Variants in NANP observed in about 807,000 individuals in gnomAD.
NANP encodes the protein N-acylneuraminate-9-phosphatase.
A neutral mutation model predicts 16.9 loss-of-function variants in NANP; 15 were observed. The observed-to-expected ratio is 0.89, with a 90% CI of 0.59 to 1.37. The LOEUF (loss-of-function observed/expected upper bound fraction) is 1.37. Ranked by LOEUF, NANP falls within the 40% of genes most tolerant of loss-of-function variation. The probability of loss-of-function intolerance (pLI) is 0.00; values close to 1 mark genes in which losing one functional copy is unlikely to be tolerated. For synonymous variants in NANP, 135 were observed against 112.6 expected (o/e 1.20, Z -1.26); for missense variants, 290 against 303.5 (o/e 0.96, Z 0.33).
chr20:25,623,747 A>G, intron 1 of NANP, 112 bp downstream of exon 1: 1 of 1,071,104 alleles, frequency 9.3e-7, no homozygotes. Context: ...TTCAACCAGC[A>G]AGAGCGGCCC....
intron 1 of NANP, among the ~76,000 whole-genome samples, chr20:25,617,736 C>T (rs1179682533): frequency 6.6e-6 from 1 of 152,068 alleles, no homozygotes; most frequent in Non-Finnish European, 1.5e-5. Flanking sequence ...AGGCTAGCCT[C>T]GAACTCTTGA....
chr20:25,623,251 G>A (rs2065374141), intron 1 of NANP, among the ~76,000 whole-genome samples: 1 of 152,200 alleles, frequency 6.6e-6, no homozygotes, highest in Non-Finnish European at 1.5e-5. Flanking sequence ...GGAAGGGCAT[G>A]CCCTCGCAGC....
At chr20:25,621,386 G>A (rs1041125545) in intron 1 of NANP, among the ~76,000 whole-genome samples, 1 of 152,256 alleles carries the variant, frequency 6.6e-6, no homozygotes, top group African/African-American at 2.4e-5. Context: ...CTGTAGAAAA[G>A]TTCCTCTTGA....
intron 1 of NANP, among the ~76,000 whole-genome samples, chr20:25,617,613 T>C (rs2065348604): frequency 6.6e-6 from 1 of 151,968 alleles, no homozygotes; most frequent in African/African-American, 2.4e-5. Context: ...GCCTCCTGGG[T>C]TCAAGTGATT....
intron 1 of NANP, among the ~76,000 whole-genome samples, chr20:25,619,000 T>C (rs1220809445): frequency 6.6e-6 from 1 of 152,034 alleles, no homozygotes; most frequent in East Asian, 1.9e-4. Context: ...ATATCTGTTG[T>C]AATGGGACTA....
intron 1 of NANP, among the ~76,000 whole-genome samples, chr20:25,622,267 G>T (rs2122211029): frequency 6.6e-6 from 1 of 152,370 alleles, no homozygotes; most frequent in African/African-American, 2.4e-5. Flanking sequence ...ACTGAGACAT[G>T]CACGGGGCAT....
chr20:25,621,055 T>C (rs955183362), intron 1 of NANP, among the ~76,000 whole-genome samples: 2 of 152,056 alleles, frequency 1.3e-5, no homozygotes, highest in Admixed American at 6.6e-5. Context: ...CTGAAATCAA[T>C]AGGGATCCAG....
rs1890270267 is a variant in NANP, at chr20:25,613,599, A to G, written c.*2326T>C. On this transcript the variant is annotated 3_prime_UTR_variant, in exon 2 of 2. Coordinates refer to ENST00000304788, the MANE Select transcript of NANP (RefSeq NM_152667.3). Reference sequence around the variant, plus strand: ...ATTAATAAAATCATAGGTTTATTCCAATATTTTAAAATATTTTCTGTAACA... The same window carrying G: ...ATTAATAAAATCATAGGTTTATTCCGATATTTTAAAATATTTTCTGTAACA... 1 of 391,642 alleles carries G rather than the reference A, an allele frequency of 2.6e-6. No individual in the cohort carries two copies. The highest frequency in any genetic ancestry group is 2.1e-5 in the African/African-American group (1 of 48,474). The allele number at this position is 391,642 out of a possible 1,614,324, so 24.3% of individuals were successfully genotyped here. A position where few individuals can be genotyped will look rare whatever the true frequency, so the allele number is the denominator to read the frequency against.
At position 25,614,267 on chromosome 20, in the gene NANP, G is replaced by A. The variant is rs549216088; in HGVS notation, c.*1658C>T. The stretch of plus-strand genomic sequence containing the variant: ...TGATTCTCTGAGTATTAGTCTTGAA[G>A]ACATAGCTATACACATCCCAACATA... On this transcript the variant is annotated 3_prime_UTR_variant, in exon 2 of 2. Transcript: ENST00000304788. 7 of 158,334 alleles carry A rather than the reference G, an allele frequency of 4.4e-5. No individual in the cohort carries two copies. The highest frequency in any genetic ancestry group is 8.3e-5 in the Non-Finnish European group (6 of 72,426). 9.8% of individuals were successfully genotyped at this position (158,334 alleles called of 1,614,324 possible). A position where few individuals can be genotyped will look rare whatever the true frequency, so the allele number is the denominator to read the frequency against.
chr20:25,615,157 ACATTTCCTT>A lies in NANP; in HGVS notation c.*759_*767del, dbSNP rs2065337782. On this transcript the variant is annotated 3_prime_UTR_variant, in exon 2 of 2. Coordinates refer to ENST00000304788, the MANE Select transcript of NANP (RefSeq NM_152667.3). Reference sequence around the variant, plus strand: ...GTGTGTCTGGGAAAAGACAGTAAAAACATTTCCTTGAGAGGTGAAGACTAAAAGGAAGCT... The same window carrying A: ...GTGTGTCTGGGAAAAGACAGTAAAAAGAGAGGTGAAGACTAAAAGGAAGCT... The A allele has an allele frequency of 1.3e-5, 2 of 152,580 alleles. No homozygotes were observed. 9.5% of individuals were successfully genotyped at this position (152,580 alleles called of 1,614,324 possible). A position where few individuals can be genotyped will look rare whatever the true frequency, so the allele number is the denominator to read the frequency against.
rs769927279 is a variant in NANP, at chr20:25,623,926, G to A, written c.23C>T (p.Ala8Val). 6 of 1,613,318 alleles carry A rather than the reference G, an allele frequency of 3.7e-6. No homozygotes were observed. The highest frequency in any genetic ancestry group is 3.3e-5 in the Admixed American group (2 of 60,010). The part of the protein sequence containing the change: MGLSRVR[A>V]VFFDLDNTLI... ...AGTGTTGTCCAAGTCAAAGAAAACC[G>A]CCCGCACGCGGCTCAGCCCCATAGC... The change falls in exon 1 of 2, where the codon GCG (alanine) becomes GTG (valine). Residue 8 changes from alanine to valine, a missense_variant. Physicochemically the swap from Ala to Val is moderately conservative, Grantham distance 64. Transcript: ENST00000304788.
At chr20:25,619,485 A>G in intron 1 of NANP, among the ~76,000 whole-genome samples, 1 of 152,138 alleles carries the variant, frequency 6.6e-6, no homozygotes, top group Non-Finnish European at 1.5e-5. Flanking sequence ...ACTTGGCCAT[A>G]TGAGAAAAAA....
Position 25,616,367 on chromosome 20 carries a change from G to C in NANP, c.305C>G (p.Ser102Cys), listed in dbSNP as rs1276456767. The C allele has an allele frequency of 6.2e-7, 1 of 1,614,160 alleles. No individual in the cohort carries two copies. Among genetic ancestry groups the C allele is most frequent in the Non-Finnish European group, 8.5e-7 (1 of 1,180,022 alleles). ...TAGTGTCATATGCTGTAAACGTGTA[G>C]ATTTCCAAAGGAAATAACATTCTTC... is the stretch of plus-strand genomic sequence containing the variant. ...LAEECYFLWKSTRLQHMTLAE... is the reference protein window; with the variant it reads ...LAEECYFLWKCTRLQHMTLAE... Residue 102 changes from serine to cysteine, a missense_variant, in exon 2 of 2, where the codon TCT becomes TGT. Coordinates refer to ENST00000304788, the MANE Select transcript of NANP (RefSeq NM_152667.3).
At position 25,615,647 on chromosome 20, in the gene NANP, G is replaced by C; in HGVS notation, c.*278C>G. 3.1e-6 allele frequency: 1 copy of C among 326,508 alleles called. No individual in the cohort carries two copies. Among genetic ancestry groups the C allele is most frequent in the Non-Finnish European group, 5.5e-6 (1 of 181,060 alleles). The allele number at this position is 326,508 out of a possible 1,614,324, so 20.2% of individuals were successfully genotyped here. A position where few individuals can be genotyped will look rare whatever the true frequency, so the allele number is the denominator to read the frequency against. ...AATAACATAATTTTAAAAAGCTCCAGATACAGACTAACAAATAATATATTT... is the reference window on the plus strand; with the variant it reads ...AATAACATAATTTTAAAAAGCTCCACATACAGACTAACAAATAATATATTT... On this transcript the variant is annotated 3_prime_UTR_variant, in exon 2 of 2. Coordinates refer to ENST00000304788, the MANE Select transcript of NANP (RefSeq NM_152667.3).
rs1241585746 is a variant in NANP at position 25,614,599 on chromosome 20, CAG to C, written c.*1324_*1325del. On this transcript the variant is annotated 3_prime_UTR_variant, in exon 2 of 2. Transcript: ENST00000304788. ...GATATATTTCCAAGAATGTGAAAAA[CAG>C]AGGAAATTTAAGGCAGATGGTAACT... 3 of 152,090 alleles carry C rather than the reference CAG, an allele frequency of 2.0e-5. No homozygotes were observed. The highest frequency in any genetic ancestry group is 4.8e-5 in the African/African-American group (2 of 41,394). The allele number at this position is 152,090 out of a possible 1,614,324, so 9.4% of individuals were successfully genotyped here. A position where few individuals can be genotyped will look rare whatever the true frequency, so the allele number is the denominator to read the frequency against.
chr20:25,614,059 C>T lies in NANP; in HGVS notation c.*1866G>A. On this transcript the variant is annotated 3_prime_UTR_variant, in exon 2 of 2. Transcript: ENST00000304788. ...TGAAACTACAAACATCCTCTGTTCA[C>T]AAATGTTCACTGTTATAGCAACAGC... 2.6e-6 allele frequency: 1 copy of T among 385,876 alleles called. No individual in the cohort carries two copies. The highest frequency in any genetic ancestry group is 4.6e-6 in the Non-Finnish European group (1 of 218,470). The allele number at this position is 385,876 out of a possible 1,614,324, so 23.9% of individuals were successfully genotyped here. A position where few individuals can be genotyped will look rare whatever the true frequency, so the allele number is the denominator to read the frequency against.
In NANP at chr20:25,623,986, G is replaced by A. The variant is rs756450358; in HGVS notation, c.-38C>T. 2.6e-5 allele frequency: 41 copies of A among 1,597,040 alleles called. No individual in the cohort carries two copies. The Admixed American group carries it at 2.9e-4, about 11-fold the overall frequency. On this transcript the variant is annotated 5_prime_UTR_variant, in exon 1 of 2. Coordinates refer to ENST00000304788, the MANE Select transcript of NANP (RefSeq NM_152667.3). Reference sequence around the variant, plus strand: ...TGGCGCGAACCGTAGCCTTGCCACCGCCGCCTGCGCATGCGCAAGGCGGAC... The same window carrying A: ...TGGCGCGAACCGTAGCCTTGCCACCACCGCCTGCGCATGCGCAAGGCGGAC...
At position 25,615,564 on chromosome 20, in the gene NANP, T is replaced by C. The variant is rs975026151; in HGVS notation, c.*361A>G. The C allele has an allele frequency of 5.8e-6, 1 of 171,894 alleles. No homozygotes were observed. The highest frequency in any genetic ancestry group is 1.2e-5 in the Non-Finnish European group (1 of 81,392). The allele number at this position is 171,894 out of a possible 1,614,324, so 10.6% of individuals were successfully genotyped here. Reference sequence around the variant, plus strand: ...AGCCAGAAGATAAACCTTACATTTGTGCATCCATGTGTAAAGCAATCCTGC... The same window carrying C: ...AGCCAGAAGATAAACCTTACATTTGCGCATCCATGTGTAAAGCAATCCTGC... On this transcript the variant is annotated 3_prime_UTR_variant, in exon 2 of 2. Transcript: ENST00000304788.
intron 1 of NANP, among the ~76,000 whole-genome samples, chr20:25,618,834 T>G (rs1239427165): frequency 6.6e-6 from 1 of 152,110 alleles, no homozygotes. Context: ...ATTGGACTCC[T>G]TCCCCTTCTT....
Sources: allele counts gnomAD v4.1 joint callset (sites outside exome capture counted in the v4.1 genomes callset), GRCh38; gene constraint gnomAD v4.1.1; transcripts MANE v1.5; gene names NCBI Gene and HGNC (gene_info 2026-07-23, HGNC 2026-07-21).